NCK1: variants seen among roughly 807,000 people sequenced by gnomAD.
The protein encoded by NCK1 is SH2/SH3 adapter protein NCK1.
NCK1 carries 19 observed loss-of-function variants against 36.6 expected under a neutral mutation model. The ratio of observed to expected loss-of-function variants is 0.52; its 90% confidence interval spans 0.36 to 0.76. The LOEUF (loss-of-function observed/expected upper bound fraction) is 0.76. NCK1 is among the 30% of genes least tolerant of loss of function. The pLI, the probability that NCK1 is intolerant of heterozygous loss-of-function variation, is 0.00. For missense variants in NCK1, 358 were observed against 445.6 expected, an observed-to-expected ratio of 0.80 and a Z score of 1.77; for synonymous variants, 165 against 156.0, an observed-to-expected ratio of 1.06 and a Z score of -0.43.
chr3:136,919,012 T>C (rs1940037650), intron 1 of NCK1, among the ~76,000 whole-genome samples: 2 of 152,222 alleles, frequency 1.3e-5, no homozygotes, highest in South Asian at 2.1e-4. Flanking sequence ...GTCCGTACAA[T>C]GGACTACTCA....
rs375208462 is a variant in NCK1 at position 136,900,704 on chromosome 3, AT to A, written c.-18-27271del. Among the ~76,000 whole-genome samples the A allele has an allele frequency of 9.9e-4, 150 of 150,934 alleles. 2 individuals are homozygous for A. Among genetic ancestry groups the A allele is most frequent in the African/African-American group, 3.2e-3 (130 of 41,134 alleles). On this transcript the variant is annotated intron_variant, in intron 1 of 3. Coordinates refer to ENST00000481752, the MANE Select transcript of NCK1 (RefSeq NM_001291999.2). Reference sequence around the variant, plus strand: ...ATATAGAAACAGGTTTTGTATGTTGATTTTTTTTTAACACTCCCTACTTCAC... The same window carrying A: ...ATATAGAAACAGGTTTTGTATGTTGATTTTTTTTAACACTCCCTACTTCAC...
chr3:136,899,599 C>T, intron 1 of NCK1: 2 of 638,142 alleles, frequency 3.1e-6, no homozygotes, highest in Admixed American at 2.0e-5. Flanking sequence ...CTCTGTTGTA[C>T]CGCAGCTTTA....
Position 136,906,330 on chromosome 3 carries a change from G to C in NCK1, c.-18-21654G>C, listed in dbSNP as rs189216384. ...TCACTCTGTTGCCCAGGCTGGTCTC[G>C]AACTCCTGAGCTCAAGTGATCCTCC... On this transcript the variant is annotated intron_variant, in intron 1 of 3. Transcript: ENST00000481752. Among the ~76,000 whole-genome samples the C allele has an allele frequency of 3.7e-3, 558 of 152,076 alleles. 4 individuals are homozygous for C. Among genetic ancestry groups the C allele is most frequent in the Non-Finnish European group, 5.7e-3 (390 of 67,994 alleles).
intron 2 of NCK1, among the ~76,000 whole-genome samples, chr3:136,942,719 T>G (rs1940709339): frequency 6.6e-6 from 1 of 152,192 alleles, no homozygotes; most frequent in South Asian, 2.1e-4. Context: ...TACACACCCC[T>G]TATTACCCCA....
intron 1 of NCK1, among the ~76,000 whole-genome samples, chr3:136,892,733 A>G (rs1213302997): frequency 3.3e-5 from 5 of 152,198 alleles, no homozygotes; most frequent in Admixed American, 2.6e-4. Context: ...TTAAGCCACT[A>G]TTGTTACACA....
At chr3:136,921,792 TG>T (rs1308692469) in intron 1 of NCK1, among the ~76,000 whole-genome samples, 2 of 152,182 alleles carry the variant, frequency 1.3e-5, no homozygotes, top group African/African-American at 4.8e-5. Flanking sequence ...ATGGTTTTTT[TG>T]TTTTGTTTTG....
At chr3:136,935,024 C>T (rs1397822710) in intron 2 of NCK1, among the ~76,000 whole-genome samples, 4 of 152,058 alleles carry the variant, frequency 2.6e-5, no homozygotes, top group Non-Finnish European at 5.9e-5. Context: ...GCCACAGCCA[C>T]CCAAGTAGCT....
At chr3:136,879,835 C>A (rs1008656719) in intron 1 of NCK1, among the ~76,000 whole-genome samples, 5 of 151,246 alleles carry the variant, frequency 3.3e-5, no homozygotes, top group Admixed American at 3.3e-4. Flanking sequence ...CACATTGGGG[C>A]CTGTTGGCGG....
At chr3:136,892,756 T>TA (rs1939281785) in intron 1 of NCK1, among the ~76,000 whole-genome samples, 1 of 152,166 alleles carries the variant, frequency 6.6e-6, no homozygotes, top group African/African-American at 2.4e-5. Flanking sequence ...ATTAGGCAAT[T>TA]AATACAACTA....
intron 2 of NCK1, among the ~76,000 whole-genome samples, chr3:136,942,438 T>C (rs903002535): frequency 6.6e-6 from 1 of 152,186 alleles, no homozygotes; most frequent in Non-Finnish European, 1.5e-5. Flanking sequence ...TGCTTAGTAA[T>C]CAGCTAGGGT....
chr3:136,871,416 A>G (rs957545089), intron 1 of NCK1, among the ~76,000 whole-genome samples: 2 of 152,044 alleles, frequency 1.3e-5, no homozygotes, highest in African/African-American at 4.8e-5. Flanking sequence ...AAAATTAAAA[A>G]TTTGTTTAGA....
chr3:136,880,323 G>T (rs1177441276), intron 1 of NCK1, among the ~76,000 whole-genome samples: 3 of 152,054 alleles, frequency 2.0e-5, no homozygotes, highest in Non-Finnish European at 4.4e-5. Flanking sequence ...TCGAAGTGGG[G>T]TCTTTACAGA....
At chr3:136,921,348 G>C (rs1267271675) in intron 1 of NCK1, among the ~76,000 whole-genome samples, 1 of 152,194 alleles carries the variant, frequency 6.6e-6, no homozygotes, top group Admixed American at 6.5e-5. Context: ...GCAAAATGAA[G>C]GGTAAAGCAA....
intron 1 of NCK1, among the ~76,000 whole-genome samples, chr3:136,905,790 A>C (rs2108105620): frequency 6.6e-6 from 1 of 151,028 alleles, no homozygotes; most frequent in South Asian, 2.1e-4. Context: ...ACACCTGGTT[A>C]ATTTTTGTAT....
intron 1 of NCK1, among the ~76,000 whole-genome samples, chr3:136,891,855 CTA>C (rs1024661404): frequency 1.3e-5 from 2 of 152,142 alleles, no homozygotes; most frequent in African/African-American, 2.4e-5. Context: ...GGAGAAGTGT[CTA>C]TTCAATTCCT....
intron 1 of NCK1, among the ~76,000 whole-genome samples, chr3:136,897,171 C>G (rs1219722762): frequency 2.0e-5 from 3 of 152,164 alleles, no homozygotes; most frequent in Non-Finnish European, 4.4e-5. Flanking sequence ...TCACTGCAAC[C>G]TCTGCCTCCC....
chr3:136,931,590 T>C (rs1040149980), intron 2 of NCK1, among the ~76,000 whole-genome samples: 2 of 152,186 alleles, frequency 1.3e-5, no homozygotes. Context: ...TTGGGTAAGT[T>C]TTACCTTTGA....
intron 2 of NCK1, among the ~76,000 whole-genome samples, chr3:136,934,568 G>C (rs1005100587): frequency 2.0e-5 from 3 of 152,070 alleles, no homozygotes; most frequent in Non-Finnish European, 2.9e-5. Context: ...TTACAGGTGT[G>C]CACCACCGCG....
chr3:136,863,590 A>G (rs932364368), intron 1 of NCK1, among the ~76,000 whole-genome samples: 8 of 152,112 alleles, frequency 5.3e-5, no homozygotes, highest in Non-Finnish European at 1.2e-4. Flanking sequence ...TTGACCACAA[A>G]CTCTGAGACT....
Sources: allele counts gnomAD v4.1 joint callset (sites outside exome capture counted in the v4.1 genomes callset), GRCh38; gene constraint gnomAD v4.1.1; transcripts MANE v1.5; gene names NCBI Gene and HGNC (gene_info 2026-07-23, HGNC 2026-07-21).